CHN2: variants seen among roughly 807,000 people sequenced by gnomAD.
The protein encoded by CHN2 is beta-chimaerin.
Under a neutral mutation model 56.3 loss-of-function variants are expected in CHN2, and 35 were observed. That is an observed-to-expected ratio of 0.62 (90% confidence interval 0.47 to 0.82). CHN2 has a LOEUF of 0.82. Ranked by LOEUF, CHN2 falls within the 40% of genes least tolerant of loss-of-function variation. The pLI, the probability that CHN2 is intolerant of heterozygous loss-of-function variation, is 0.00. For synonymous variants in CHN2, 210 were observed against 212.8 expected (o/e 0.99, Z 0.12); for missense variants, 491 against 580.5 (o/e 0.85, Z 1.58).
chr7:29,463,555 T>C (rs942406267), intron 6 of CHN2, among the ~76,000 whole-genome samples: 1 of 152,180 alleles, frequency 6.6e-6, no homozygotes, highest in Admixed American at 6.6e-5. Flanking sequence ...ACTCAGATTG[T>C]TTAAGATGTC....
chr7:29,197,859 A>G (rs1269039564), intron 1 of CHN2: 2 of 453,796 alleles, frequency 4.4e-6, no homozygotes, highest in African/African-American at 4.0e-5. Context: ...TAGTCAAATT[A>G]GAGGGGTCAG....
intron 1 of CHN2, among the ~76,000 whole-genome samples, chr7:29,226,046 C>T (rs1205548093): frequency 6.6e-6 from 1 of 152,080 alleles, no homozygotes; most frequent in Non-Finnish European, 1.5e-5. Flanking sequence ...ATAACAATTT[C>T]TGGGCTGGCA....
At chr7:29,290,653 A>G (rs1272292620) in intron 1 of CHN2, among the ~76,000 whole-genome samples, 1 of 152,220 alleles carries the variant, frequency 6.6e-6, no homozygotes, top group Admixed American at 6.5e-5. Flanking sequence ...TAATAAGATG[A>G]TATTTATGGA....
chr7:29,499,984 A>G lies in CHN2; in HGVS notation c.857A>G (p.His286Arg). 1 of 1,605,748 alleles carries G rather than the reference A, an allele frequency of 6.2e-7. No individual in the cohort carries two copies. The highest frequency in any genetic ancestry group is 8.5e-7 in the Non-Finnish European group (1 of 1,176,648). ...GACCTCACAACACTTGTGAAGGCTC[A>G]CAACACTCAGAGACCCATGGTGGTA... Reference protein sequence around the residue: ...CCDLTTLVKAHNTQRPMVVDI... With the variant: ...CCDLTTLVKARNTQRPMVVDI... Residue 286 changes from histidine to arginine, a missense_variant, in exon 9 of 13, where the codon CAC (histidine) becomes CGC (arginine). By Grantham distance (29) the His-to-Arg change is conservative (BLOSUM62 0). Coordinates refer to ENST00000222792, the MANE Select transcript of CHN2 (RefSeq NM_004067.4).
At chr7:29,457,677 T>C (rs1019333787) in intron 6 of CHN2, among the ~76,000 whole-genome samples, 1 of 152,204 alleles carries the variant, frequency 6.6e-6, no homozygotes, top group Non-Finnish European at 1.5e-5. Flanking sequence ...AGCATTTAAA[T>C]GAGTATCAGG....
chr7:29,440,803 C>G (rs1783592174), intron 6 of CHN2, among the ~76,000 whole-genome samples: 1 of 151,156 alleles, frequency 6.6e-6, no homozygotes, highest in Non-Finnish European at 1.5e-5. Context: ...AACCCGTCAT[C>G]AAAATAAGAA....
At chr7:29,475,405 G>T (rs1279383049) in intron 6 of CHN2, among the ~76,000 whole-genome samples, 1 of 152,202 alleles carries the variant, frequency 6.6e-6, no homozygotes, top group Non-Finnish European at 1.5e-5. Flanking sequence ...GTCGTTGACA[G>T]ACTATAATGG....
chr7:29,401,739 A>G (rs1410093667), intron 6 of CHN2, among the ~76,000 whole-genome samples: 2 of 152,222 alleles, frequency 1.3e-5, no homozygotes, highest in African/African-American at 4.8e-5. Flanking sequence ...TAAGTGGGCA[A>G]GTATGCAGGC....
At chr7:29,265,111 C>T (rs1230268603) in intron 1 of CHN2, among the ~76,000 whole-genome samples, 2 of 152,210 alleles carry the variant, frequency 1.3e-5, no homozygotes, top group African/African-American at 2.4e-5. Flanking sequence ...GGAATAGGGA[C>T]GGCATCATGG....
At chr7:29,420,126 G>A (rs1466330165) in intron 6 of CHN2, among the ~76,000 whole-genome samples, 1 of 151,978 alleles carries the variant, frequency 6.6e-6, no homozygotes, top group Non-Finnish European at 1.5e-5. Context: ...AGTAACAAGT[G>A]TTGGTATGGA....
intron 6 of CHN2, among the ~76,000 whole-genome samples, chr7:29,421,789 A>G (rs1444292177): frequency 1.3e-5 from 2 of 152,200 alleles, no homozygotes; most frequent in East Asian, 1.9e-4. Context: ...GATGGTTTGT[A>G]TGAGAGCACC....
chr7:29,424,001 T>C (rs1362346924), intron 6 of CHN2, among the ~76,000 whole-genome samples: 1 of 152,210 alleles, frequency 6.6e-6, no homozygotes, highest in Non-Finnish European at 1.5e-5. Context: ...GGTGGGCTAC[T>C]TGGGGACAAC....
chr7:29,206,491 A>G (rs1038009603), intron 1 of CHN2, among the ~76,000 whole-genome samples: 30 of 152,262 alleles, frequency 2.0e-4, no homozygotes, highest in South Asian at 4.1e-4. Context: ...CATGTTGGCC[A>G]GGCTGGTCTC....
At chr7:29,207,253 A>G (rs576926460) in intron 1 of CHN2, among the ~76,000 whole-genome samples, 2 of 152,346 alleles carry the variant, frequency 1.3e-5, no homozygotes, top group African/African-American at 4.8e-5. Flanking sequence ...GCTTGCAATC[A>G]GATGGGAGGC....
chr7:29,170,739 A>G (rs1349833940), intron 2 of CHN2, among the ~76,000 whole-genome samples: 2 of 152,210 alleles, frequency 1.3e-5, no homozygotes, highest in Non-Finnish European at 2.9e-5. Flanking sequence ...GGCAATTTAC[A>G]AAAGAAAGAG....
chr7:29,466,507 G>C (rs1024491846), intron 6 of CHN2, among the ~76,000 whole-genome samples: 4 of 152,230 alleles, frequency 2.6e-5, no homozygotes, highest in African/African-American at 7.2e-5. Context: ...CCTAAATCAT[G>C]TTTGTACATG....
rs1310819643 is a variant in CHN2, at chr7:29,400,653, T to C, written c.401T>C (p.Leu134Pro). 1 of 1,614,206 alleles carries C rather than the reference T, an allele frequency of 6.2e-7. No individual in the cohort carries two copies. The highest frequency in any genetic ancestry group is 1.1e-5 in the South Asian group (1 of 91,084). Residue 134 changes from leucine to proline, a missense_variant, in exon 6 of 13, where the codon CTG becomes CCG. Coordinates refer to ENST00000222792, the MANE Select transcript of CHN2 (RefSeq NM_004067.4). ...HDLVTDGLIT[L>P]YIETKAAEYI... ...CTGGTGACAGATGGCTTGATAACACTGTACATAGAAACAAAAGCTGCCGAG... is the reference window on the plus strand; with the variant it reads ...CTGGTGACAGATGGCTTGATAACACCGTACATAGAAACAAAAGCTGCCGAG...
chr7:29,379,525 A>G (rs1800329390), intron 3 of CHN2, among the ~76,000 whole-genome samples: 1 of 152,228 alleles, frequency 6.6e-6, no homozygotes, highest in South Asian at 2.1e-4. Flanking sequence ...TGATGGATGG[A>G]TAGAGGAATG....
intron 4 of CHN2, among the ~76,000 whole-genome samples, chr7:29,396,082 CAATT>C (rs1414145433): frequency 1.3e-5 from 2 of 151,838 alleles, no homozygotes; most frequent in African/African-American, 4.8e-5. Context: ...AATTATATAT[CAATT>C]AAAAATAAAA....
Sources: allele counts gnomAD v4.1 joint callset (sites outside exome capture counted in the v4.1 genomes callset), GRCh38; gene constraint gnomAD v4.1.1; transcripts MANE v1.5; gene names NCBI Gene and HGNC (gene_info 2026-07-23, HGNC 2026-07-21).